Variants in NBPF9 observed in about 807,000 individuals in gnomAD.
NBPF9 encodes the protein NBPF family member NBPF9.
Under a neutral mutation model 97.8 loss-of-function variants are expected in NBPF9, and 91 were observed. The observed-to-expected ratio is 0.93, with a 90% CI of 0.79 to 1.11. The LOEUF (loss-of-function observed/expected upper bound fraction) is 1.11, where lower values mean the gene tolerates loss of function less well. Ranked by LOEUF, NBPF9 falls within the 50% of genes least tolerant of loss-of-function variation. The pLI, the probability that NBPF9 is intolerant of heterozygous loss-of-function variation, is 0.00. For synonymous variants in NBPF9, 334 were observed against 359.5 expected, an observed-to-expected ratio of 0.93 and a Z score of 0.80; for missense variants, 992 against 939.5, an observed-to-expected ratio of 1.06 and a Z score of -0.73.
At chr1:149,058,747 C>T (rs1293855414) in intron 26 of NBPF9, 178 bp downstream of exon 26, 1 of 568,428 alleles carries the variant, frequency 1.8e-6, no homozygotes, top group African/African-American at 2.2e-5. Flanking sequence ...GCTCACTGAC[C>T]CATTTCATGT....
intron 17 of NBPF9, among the ~76,000 whole-genome samples, chr1:149,068,264 TC>T (rs1406833832): frequency 6.7e-6 from 1 of 149,764 alleles, no homozygotes; most frequent in Non-Finnish European, 1.5e-5. Context: ...AGGATCAAAT[TC>T]ACACATAACA....
exon 18 of NBPF9, chr1:149,065,597 G>A (rs782058653): frequency 3.4e-5 from 55 of 1,608,478 alleles, no homozygotes; most frequent in East Asian, 6.9e-5. Flanking sequence ...AGACTTGTAC[G>A]AGGCCAACAT....
In NBPF9 at chr1:149,088,578, C is replaced by G. The variant is rs2081196060; in HGVS notation, c.-195+2175G>C. The stretch of plus-strand genomic sequence containing the variant: ...GGGGTTGGAAGTGTTGCCTTCTGTT[C>G]TCATCATGCTGAGCATTTTCTGGGG... On this transcript the variant is annotated intron_variant, in intron 5 of 29. Transcript: ENST00000584027. Among the ~76,000 whole-genome samples the G allele has an allele frequency of 2.0e-5, 3 of 152,054 alleles. No individual in the cohort carries two copies. The South Asian group carries it at 6.2e-4, about 32-fold the overall frequency.
In NBPF9 at chr1:149,082,957, C is replaced by T. The variant is rs1455188899; in HGVS notation, c.-194-527G>A. Among the ~76,000 whole-genome samples, 360 of 66,390 alleles carry T rather than the reference C, an allele frequency of 5.4e-3. 5 individuals are homozygous for T. The highest frequency in any genetic ancestry group is 5.7e-3 in the African/African-American group (91 of 16,060). The allele number at this position is 66,390 out of a possible 152,430, so 43.6% of individuals were successfully genotyped here. A position where few individuals can be genotyped will look rare whatever the true frequency, so the allele number is the denominator to read the frequency against. On this transcript the variant is annotated intron_variant, in intron 5 of 29. Transcript: ENST00000584027. Reference sequence around the variant, plus strand: ...ACCACGCCTGGCTAATTTTTCTTTTCTTTTTTTTTTTTTTTTTTTTTTTTT... The same window carrying T: ...ACCACGCCTGGCTAATTTTTCTTTTTTTTTTTTTTTTTTTTTTTTTTTTTT...
At chr1:149,086,227 C>T (rs1367041522) in intron 5 of NBPF9, among the ~76,000 whole-genome samples, 1 of 149,848 alleles carries the variant, frequency 6.7e-6, no homozygotes, top group Non-Finnish European at 1.5e-5. Context: ...ACACAGGCCT[C>T]CCTAACAACT....
chr1:149,103,136 T>G (rs2082257260), intron 1 of NBPF9, among the ~76,000 whole-genome samples, 165 bp downstream of exon 1: 1 of 151,732 alleles, frequency 6.6e-6, no homozygotes, highest in Non-Finnish European at 1.5e-5. Flanking sequence ...ATCGAACGCA[T>G]GGAACTTAAG....
chr1:149,053,669 T>C (rs1392146703), downstream of NBPF9, among the ~76,000 whole-genome samples: 4,162 of 123,378 alleles, frequency 0.034, no homozygotes, highest in African/African-American at 0.097. Flanking sequence ...GTTCAAATAC[T>C]ATTATGAGAA....
chr1:149,084,448 CTTTTTT>C (rs1245552720), intron 5 of NBPF9, among the ~76,000 whole-genome samples: 15 of 144,082 alleles, frequency 1.0e-4, no homozygotes, highest in African/African-American at 3.6e-4. Flanking sequence ...ATATATTTTT[CTTTTTT>C]AAGTGGCGGA....
chr1:149,076,475 T>C (rs2079879558), intron 11 of NBPF9, among the ~76,000 whole-genome samples: 2 of 148,838 alleles, frequency 1.3e-5, no homozygotes, highest in South Asian at 2.1e-4. Context: ...GGGATTAAGA[T>C]GTGAGCCAGC....
chr1:149,082,957 C>CTTTTT lies in NBPF9; in HGVS notation c.-194-532_-194-528dup, dbSNP rs1157992196. Among the ~76,000 whole-genome samples, 548 of 66,480 alleles carry CTTTTT rather than the reference C, an allele frequency of 8.2e-3. 8 individuals are homozygous for CTTTTT. Among genetic ancestry groups the CTTTTT allele is most frequent in the East Asian group, 0.011 (17 of 1,608 alleles). 43.6% of individuals were successfully genotyped at this position (66,480 alleles called of 152,430 possible). ...ACCACGCCTGGCTAATTTTTCTTTT[C>CTTTTT]TTTTTTTTTTTTTTTTTTTTTTTTT... On this transcript the variant is annotated intron_variant, in intron 5 of 29. Coordinates refer to ENST00000584027, the Ensembl canonical transcript of NBPF9.
At chr1:149,061,482 A>T (rs2078593576) in intron 22 of NBPF9, 99 bp from the exon 23 acceptor site, 2 of 468,004 alleles carry the variant, frequency 4.3e-6, no homozygotes, top group Non-Finnish European at 7.7e-6. Flanking sequence ...CAGGCTCCTC[A>T]GCATGAGCAC....
intron 14 of NBPF9, 24 bp downstream of exon 14, chr1:149,072,694 C>T (rs1553653216): frequency 4.3e-6 from 7 of 1,611,598 alleles, no homozygotes; most frequent in Non-Finnish European, 5.9e-6. Flanking sequence ...GGTTTTGGGT[C>T]AACAGGGCCT....
chr1:149,059,924 C>T, intron 24 of NBPF9, 116 bp from the exon 25 acceptor site: 1 of 435,266 alleles, frequency 2.3e-6, no homozygotes, highest in Non-Finnish European at 4.1e-6. Flanking sequence ...GAATAGGACA[C>T]TGTGAGAGAT....
chr1:149,064,271 A>G (rs1481363072), intron 19 of NBPF9, among the ~76,000 whole-genome samples, 160 bp downstream of exon 19: 3 of 136,442 alleles, frequency 2.2e-5, no homozygotes, highest in Non-Finnish European at 4.6e-5. Flanking sequence ...ATGGAAACCT[A>G]AACATTTACT....
In NBPF9 at chr1:149,060,282, T is replaced by G. The variant is rs1394778893; in HGVS notation, c.2476+241A>C. 6.1e-4 allele frequency: 212 copies of G among 348,102 alleles called. 21 individuals are homozygous for G. The East Asian group carries it at 6.9e-3, about 11-fold the overall frequency. The allele number at this position is 348,102 out of a possible 1,614,324, so 21.6% of individuals were successfully genotyped here. On this transcript the variant is annotated intron_variant, in intron 24 of 29. Coordinates refer to ENST00000584027, the Ensembl canonical transcript of NBPF9. ...TCACATCTGCCCAGGTCCAATGTCA[T>G]GAGGATAGGATCAGGGCGCCACAGG...
chr1:149,074,066 G>A (rs1311095699), intron 12 of NBPF9, among the ~76,000 whole-genome samples, 196 bp from the exon 13 acceptor site: 2 of 150,878 alleles, frequency 1.3e-5, no homozygotes, highest in Non-Finnish European at 3.0e-5. Flanking sequence ...TAAAGACGAA[G>A]AAAGAGAACC....
chr1:149,072,294 A>G (rs1406057967), intron 14 of NBPF9, among the ~76,000 whole-genome samples: 2 of 151,720 alleles, frequency 1.3e-5, no homozygotes, highest in African/African-American at 4.9e-5. Context: ...CTTGCAAGAG[A>G]CAATTTGTCT....
At chr1:149,088,135 G>C (rs1324090839) in intron 5 of NBPF9, among the ~76,000 whole-genome samples, 1 of 152,244 alleles carries the variant, frequency 6.6e-6, no homozygotes, top group Non-Finnish European at 1.5e-5. Context: ...CCAGTCTGTT[G>C]AATTTATTTA....
chr1:149,079,315 G>A (rs2080196878), intron 8 of NBPF9, 94 bp from the exon 9 acceptor site: 1 of 1,315,840 alleles, frequency 7.6e-7, no homozygotes, highest in African/African-American at 1.5e-5. Context: ...ATGTCCTCAA[G>A]GAGACCTTGA....
Sources: gnomAD v4.1 joint callset for allele counts (sites outside exome capture counted in the v4.1 genomes callset) on GRCh38, gnomAD v4.1.1 for gene constraint, MANE v1.5 for transcripts, NCBI Gene and HGNC (gene_info 2026-07-23, HGNC 2026-07-21) for gene names.